Variants in TIMP3 observed in about 807,000 individuals in gnomAD.
The protein encoded by TIMP3 is TIMP metallopeptidase inhibitor 3.
A neutral mutation model predicts 30.0 loss-of-function variants in TIMP3; 11 were observed. The observed-to-expected ratio is 0.37, with a 90% CI of 0.23 to 0.61. The LOEUF (loss-of-function observed/expected upper bound fraction) is 0.61. Among genes scored for constraint, TIMP3 ranks in the 20% least tolerant of loss-of-function variants. The probability of loss-of-function intolerance (pLI) is 0.70; values close to 1 mark genes in which losing one functional copy is unlikely to be tolerated. For missense variants in TIMP3, 181 were observed against 276.8 expected, an observed-to-expected ratio of 0.65 and a Z score of 2.45; for synonymous variants, 112 against 111.3, an observed-to-expected ratio of 1.01 and a Z score of -0.04.
At chr22:32,807,012 A>G (rs1482836293) in intron 1 of TIMP3, among the ~76,000 whole-genome samples, 1 of 151,768 alleles carries the variant, frequency 6.6e-6, no homozygotes, top group East Asian at 1.9e-4. Flanking sequence ...CTTGTTTCCC[A>G]TTCAACAATG....
chr22:32,831,586 A>T (rs1253078032), intron 1 of TIMP3, among the ~76,000 whole-genome samples: 1 of 152,202 alleles, frequency 6.6e-6, no homozygotes, highest in African/African-American at 2.4e-5. Flanking sequence ...CTAGCATATA[A>T]TTGGAAGATT....
At chr22:32,833,818 G>T (rs11703156) in intron 1 of TIMP3, 2 of 501,244 alleles carry the variant, frequency 4.0e-6, no homozygotes, top group Admixed American at 1.9e-5. Context: ...AGGCTCAAAT[G>T]GGAAAATCCA....
intron 1 of TIMP3, among the ~76,000 whole-genome samples, chr22:32,843,468 C>T (rs888552260): frequency 1.3e-5 from 2 of 152,272 alleles, no homozygotes; most frequent in Admixed American, 6.5e-5. Context: ...GGCTCCAGGC[C>T]GACCTCCCTG....
chr22:32,851,404 C>T (rs934177851), intron 2 of TIMP3, among the ~76,000 whole-genome samples: 1 of 152,144 alleles, frequency 6.6e-6, no homozygotes, highest in African/African-American at 2.4e-5. Flanking sequence ...GTCCCATTCC[C>T]CCTTGCTGGT....
rs527523106 is a variant in TIMP3 at position 32,817,711 on chromosome 22, C to T, written c.121+15589C>T. Reference sequence around the variant, plus strand: ...CTTGCTTGGCTCAGTTCTGGGCACACATCAGATTTTTAAATCCTAGGATCT... The same window carrying T: ...CTTGCTTGGCTCAGTTCTGGGCACATATCAGATTTTTAAATCCTAGGATCT... On this transcript the variant is annotated intron_variant, in intron 1 of 4. Coordinates refer to ENST00000266085, the MANE Select transcript of TIMP3 (RefSeq NM_000362.5). 2.6e-5 allele frequency among the ~76,000 whole-genome samples: 4 copies of T among 152,316 alleles called. No individual in the cohort carries two copies. The South Asian group carries it at 6.2e-4, about 24-fold the overall frequency.
At chr22:32,858,160 G>T in intron 4 of TIMP3, 22 bp downstream of exon 4, 1 of 1,611,326 alleles carries the variant, frequency 6.2e-7, no homozygotes. Context: ...GGTCACTGGG[G>T]GAAGGAGGGG....
chr22:32,843,232 G>C (rs2047964708), intron 1 of TIMP3, among the ~76,000 whole-genome samples: 2 of 152,206 alleles, frequency 1.3e-5, no homozygotes, highest in Non-Finnish European at 2.9e-5. Context: ...TGCACACGTT[G>C]CTTGGCACCT....
intron 1 of TIMP3, among the ~76,000 whole-genome samples, chr22:32,846,877 TG>T (rs1442323906): frequency 6.6e-6 from 1 of 152,208 alleles, no homozygotes; most frequent in Non-Finnish European, 1.5e-5. Context: ...TTCTTTTCAC[TG>T]AACTATCCTC....
chr22:32,862,040 G>A lies in TIMP3; in HGVS notation c.*2663G>A, dbSNP rs917771540. On this transcript the variant is annotated 3_prime_UTR_variant, in exon 5 of 5. Coordinates refer to ENST00000266085, the MANE Select transcript of TIMP3 (RefSeq NM_000362.5). ...GAATTGGGGGAAATAGAAGGAACTA[G>A]TAACTGAGACTCCTCCAGCCTCCTC... is the stretch of plus-strand genomic sequence containing the variant. 2.0e-5 allele frequency: 3 copies of A among 152,572 alleles called. No individual in the cohort carries two copies. The South Asian group carries it at 6.2e-4, about 32-fold the overall frequency. 9.5% of individuals were successfully genotyped at this position (152,572 alleles called of 1,614,324 possible). A position where few individuals can be genotyped will look rare whatever the true frequency, so the allele number is the denominator to read the frequency against.
Position 32,861,777 on chromosome 22 carries a change from G to C in TIMP3, c.*2400G>C, listed in dbSNP as rs1470769762. 2 of 152,608 alleles carry C rather than the reference G, an allele frequency of 1.3e-5. No homozygotes were observed. Among genetic ancestry groups the C allele is most frequent in the Non-Finnish European group, 2.9e-5 (2 of 68,018 alleles). The allele number at this position is 152,608 out of a possible 1,614,324, so 9.5% of individuals were successfully genotyped here. A position where few individuals can be genotyped will look rare whatever the true frequency, so the allele number is the denominator to read the frequency against. On this transcript the variant is annotated 3_prime_UTR_variant, in exon 5 of 5. Coordinates refer to ENST00000266085, the MANE Select transcript of TIMP3 (RefSeq NM_000362.5). ...TGAGCTTTCTATAAGCTATAGCTTTGTTTATTTCACCCGTTCACTTACTGT... is the reference window on the plus strand; with the variant it reads ...TGAGCTTTCTATAAGCTATAGCTTTCTTTATTTCACCCGTTCACTTACTGT...
intron 1 of TIMP3, among the ~76,000 whole-genome samples, chr22:32,804,134 A>G (rs879351909): frequency 2.0e-5 from 3 of 152,166 alleles, no homozygotes; most frequent in Admixed American, 2.0e-4. Context: ...AGACCAGGAG[A>G]TTGTGGAATC....
At chr22:32,805,305 G>T (rs943721267) in intron 1 of TIMP3, among the ~76,000 whole-genome samples, 1 of 152,180 alleles carries the variant, frequency 6.6e-6, no homozygotes, top group Non-Finnish European at 1.5e-5. Context: ...ACAGGGGCCA[G>T]TGCCAGCAGA....
chr22:32,836,010 GGT>G (rs1473838720), intron 1 of TIMP3, among the ~76,000 whole-genome samples: 1 of 152,136 alleles, frequency 6.6e-6, no homozygotes, highest in African/African-American at 2.4e-5. Context: ...GACTTGGTGG[GGT>G]GTTTCAGATT....
At chr22:32,857,576 A>G (rs1353341796) in intron 3 of TIMP3, among the ~76,000 whole-genome samples, 1 of 152,156 alleles carries the variant, frequency 6.6e-6, no homozygotes, top group African/African-American at 2.4e-5. Flanking sequence ...CACCTGGGGG[A>G]GGAAATCTCC....
intron 1 of TIMP3, among the ~76,000 whole-genome samples, chr22:32,808,350 A>G (rs950602130): frequency 1.3e-5 from 2 of 152,134 alleles, no homozygotes; most frequent in Non-Finnish European, 2.9e-5. Context: ...CTTGTTGCCT[A>G]TGGATGGCAC....
At position 32,829,890 on chromosome 22, in the gene TIMP3, G is replaced by A. The variant is rs1031198530; in HGVS notation, c.122-19562G>A. ...TAGAATGGGACCAAGATGCGACCCT[G>A]ACAGACTTAAATGAGAAATGAGCAT... On this transcript the variant is annotated intron_variant, in intron 1 of 4. Coordinates refer to ENST00000266085, the MANE Select transcript of TIMP3 (RefSeq NM_000362.5). 5.9e-5 allele frequency among the ~76,000 whole-genome samples: 9 copies of A among 152,236 alleles called. No homozygotes were observed. In the East Asian group the frequency reaches 1.7e-3, roughly 29 times the overall value.
At chr22:32,843,254 G>A (rs130306) in intron 1 of TIMP3, among the ~76,000 whole-genome samples, 4 of 152,204 alleles carry the variant, frequency 2.6e-5, no homozygotes, top group Admixed American at 6.5e-5. Context: ...AGAGGCATTC[G>A]ATAAATGGTA....
intron 1 of TIMP3, among the ~76,000 whole-genome samples, chr22:32,812,359 T>C (rs1486029716): frequency 6.6e-6 from 1 of 152,204 alleles, no homozygotes; most frequent in African/African-American, 2.4e-5. Flanking sequence ...TCTAGTGAGC[T>C]GAGATACTTT....
intron 1 of TIMP3, among the ~76,000 whole-genome samples, chr22:32,844,080 G>A (rs892685506): frequency 3.3e-4 from 50 of 152,272 alleles, no homozygotes; most frequent in African/African-American, 1.1e-3. Flanking sequence ...ATTAGTTAAG[G>A]AGTCCTTGAT....
Sources: allele counts gnomAD v4.1 joint callset (sites outside exome capture counted in the v4.1 genomes callset), GRCh38; gene constraint gnomAD v4.1.1; transcripts MANE v1.5; gene names NCBI Gene and HGNC (gene_info 2026-07-23, HGNC 2026-07-21).